VSTM4: variants seen among roughly 807,000 people sequenced by gnomAD.
VSTM4 encodes the protein V-set and transmembrane domain-containing protein 4.
In VSTM4, 20 loss-of-function variants were observed where a neutral mutation model predicts 36.4. That is an observed-to-expected ratio of 0.55 (90% confidence interval 0.39 to 0.80). The LOEUF (loss-of-function observed/expected upper bound fraction) is 0.80. VSTM4 is among the 30% of genes least tolerant of loss of function. The pLI is 0.00. For synonymous variants in VSTM4, 182 were observed against 173.9 expected (o/e 1.05, Z -0.37); for missense variants, 392 against 404.5 (o/e 0.97, Z 0.26).
At chr10:49,024,170 C>A (rs1044366233) in intron 7 of VSTM4, among the ~76,000 whole-genome samples, 1 of 151,938 alleles carries the variant, frequency 6.6e-6, no homozygotes, top group Non-Finnish European at 1.5e-5. Context: ...TGGTCAGATT[C>A]TCTTTCTATT....
intron 3 of VSTM4, among the ~76,000 whole-genome samples, chr10:49,084,721 A>G (rs1353290771): frequency 6.6e-6 from 1 of 152,248 alleles, no homozygotes; most frequent in Non-Finnish European, 1.5e-5. Context: ...TTGAACATTA[A>G]TCAGCCTTTC....
At chr10:49,028,648 A>C (rs77620811) in intron 7 of VSTM4, among the ~76,000 whole-genome samples, 1 of 152,364 alleles carries the variant, frequency 6.6e-6, no homozygotes, top group East Asian at 1.9e-4. Flanking sequence ...TAACATTCTT[A>C]CTAAGAGAGG....
At chr10:49,110,793 C>T (rs924280721) in intron 1 of VSTM4, among the ~76,000 whole-genome samples, 6 of 152,164 alleles carry the variant, frequency 3.9e-5, no homozygotes, top group African/African-American at 1.4e-4. Flanking sequence ...ACCAACCCTG[C>T]CAGCACCTTG....
At chr10:49,115,309 G>T in intron 1 of VSTM4, 122 bp downstream of exon 1, 1 of 639,558 alleles carries the variant, frequency 1.6e-6, no homozygotes, top group Non-Finnish European at 2.0e-6. Context: ...CAGTGACAGC[G>T]CCGCCCCCCG....
intron 7 of VSTM4, among the ~76,000 whole-genome samples, chr10:49,020,752 G>GAA (rs57745225): frequency 8.1e-5 from 10 of 123,824 alleles, no homozygotes; most frequent in Admixed American, 1.8e-4. Flanking sequence ...AGGAAGGAAG[G>GAA]GAGGGAGGGA....
intron 6 of VSTM4, 105 bp downstream of exon 6, chr10:49,048,373 T>G: frequency 4.0e-6 from 4 of 1,002,066 alleles, no homozygotes; most frequent in Non-Finnish European, 5.8e-6. Context: ...CATGTCATAT[T>G]CCCCATCTGC....
chr10:49,101,988 T>TG (rs1844674705), intron 2 of VSTM4, among the ~76,000 whole-genome samples: 1 of 97,572 alleles, frequency 1.0e-5, no homozygotes, highest in African/African-American at 4.1e-5. Flanking sequence ...TGTGTGTGTG[T>TG]TTGTGTGTGT....
At chr10:49,095,145 T>C (rs1844547076) in intron 2 of VSTM4, among the ~76,000 whole-genome samples, 2 of 152,262 alleles carry the variant, frequency 1.3e-5, no homozygotes, top group South Asian at 4.1e-4. Context: ...GTGAAGGAGC[T>C]ACAGAGCACA....
chr10:49,052,844 GT>G (rs1168369081), intron 5 of VSTM4, among the ~76,000 whole-genome samples: 3 of 151,982 alleles, frequency 2.0e-5, no homozygotes, highest in Non-Finnish European at 4.4e-5. Flanking sequence ...CACCTGCTTT[GT>G]CATCATAATT....
At chr10:49,092,818 G>A (rs1309741379) in intron 2 of VSTM4, among the ~76,000 whole-genome samples, 2 of 152,152 alleles carry the variant, frequency 1.3e-5, no homozygotes, top group African/African-American at 2.4e-5. Context: ...AGACGCAAGC[G>A]GCTTGGTAGT....
intron 7 of VSTM4, among the ~76,000 whole-genome samples, chr10:49,023,767 C>T (rs969677383): frequency 6.6e-6 from 1 of 152,196 alleles, no homozygotes; most frequent in African/African-American, 2.4e-5. Flanking sequence ...TTCAAGCCCC[C>T]ACCCTACTCT....
chr10:49,090,547 G>A (rs1309376961), intron 2 of VSTM4, among the ~76,000 whole-genome samples: 4 of 152,178 alleles, frequency 2.6e-5, no homozygotes, highest in Non-Finnish European at 4.4e-5. Flanking sequence ...GAGGAGAAAT[G>A]AGACTTCCAT....
At chr10:49,085,854 C>T (rs533993845) in intron 3 of VSTM4, 101 bp downstream of exon 3, 60 of 681,610 alleles carry the variant, frequency 8.8e-5, no homozygotes, top group Middle Eastern at 4.3e-4. Flanking sequence ...CAAACCTGCA[C>T]GTTGTGCACA....
chr10:49,061,199 G>A (rs528477883), intron 5 of VSTM4, among the ~76,000 whole-genome samples: 5 of 152,178 alleles, frequency 3.3e-5, no homozygotes, highest in South Asian at 2.1e-4. Flanking sequence ...TCCTGCAGTC[G>A]TTTTGTTGTT....
Position 49,019,681 on chromosome 10 carries a change from G to A in VSTM4, c.932C>T (p.Ala311Val), listed in dbSNP as rs1329448489. 1 of 1,614,016 alleles carries A rather than the reference G, an allele frequency of 6.2e-7. No homozygotes were observed. Among genetic ancestry groups the A allele is most frequent in the East Asian group, 2.2e-5 (1 of 44,880 alleles). Residue 311 changes from alanine (A) to valine (V), a missense_variant, in exon 8 of 8, where the codon GCC (alanine) becomes GTC (valine). Transcript: ENST00000332853. The stretch of plus-strand genomic sequence containing the variant: ...CTTGTTCTCCTCGAAGAGGATCTGG[G>A]CGTAGACAGTGCTGGTGGGGGCGCC... Reference protein sequence around the residue: ...AKGAPTSTVYAQILFEENKL With the variant: ...AKGAPTSTVYVQILFEENKL
At chr10:49,052,259 A>G (rs1214298147) in intron 5 of VSTM4, among the ~76,000 whole-genome samples, 1 of 152,114 alleles carries the variant, frequency 6.6e-6, no homozygotes, top group Non-Finnish European at 1.5e-5. Context: ...TACCTACGTC[A>G]CCCTCCTTAA....
intron 2 of VSTM4, among the ~76,000 whole-genome samples, chr10:49,105,333 G>A (rs951681405): frequency 2.3e-5 from 3 of 130,076 alleles, no homozygotes; most frequent in African/African-American, 8.8e-5. Flanking sequence ...GAGAGACGGG[G>A]GGGGGAGAGA....
chr10:49,082,091 CAG>C (rs1844289294), intron 3 of VSTM4, among the ~76,000 whole-genome samples: 1 of 152,216 alleles, frequency 6.6e-6, no homozygotes, highest in African/African-American at 2.4e-5. Context: ...CCTACGACTG[CAG>C]AGTCACCTTC....
rs750396450 is a variant in VSTM4, at chr10:49,086,032, C to CA, written c.458-10dup. 1.9e-6 allele frequency: 3 copies of CA among 1,570,796 alleles called. No individual in the cohort carries two copies. The highest frequency in any genetic ancestry group is 2.0e-5 in the Admixed American group (1 of 51,072). On this transcript the variant is annotated splice_polypyrimidine_tract_variant and intron_variant, in intron 2 of 7. Transcript: ENST00000332853. ...AGCTTTGAGGGAAATGACTGAAAGA[C>CA]AAAAAAGAAACAGCACAGTATGAAA...
Sources: gnomAD v4.1 joint callset for allele counts (sites outside exome capture counted in the v4.1 genomes callset) on GRCh38, gnomAD v4.1.1 for gene constraint, MANE v1.5 for transcripts, NCBI Gene and HGNC (gene_info 2026-07-23, HGNC 2026-07-21) for gene names.